The following PKN2 variants were observed in gnomAD, a reference collection of about 807,000 sequenced individuals.
PKN2 encodes the protein protein kinase N2.
In PKN2, 38 loss-of-function variants were observed where a neutral mutation model predicts 119.1. The ratio of observed to expected loss-of-function variants is 0.32; its 90% CI spans 0.25 to 0.42. PKN2 has a LOEUF of 0.42. PKN2 is among the 10% of genes least tolerant of loss of function. The pLI is 1.00. For synonymous variants in PKN2, 390 were observed against 384.9 expected (o/e 1.01, Z -0.15); for missense variants, 850 against 1,165.1 (o/e 0.73, Z 3.94).
In PKN2 at chr1:88,800,642, A is replaced by G. The variant is rs555389709; in HGVS notation, c.1282-3749A>G. On this transcript the variant is annotated intron_variant, in intron 8 of 21. Coordinates refer to ENST00000370521, the MANE Select transcript of PKN2 (RefSeq NM_006256.4). ...AAGTGAAAATACTCTCTGGCACCCC[A>G]GGGCTCCTCAGTGAACACTTCGAGA... 4.3e-4 allele frequency among the ~76,000 whole-genome samples: 65 copies of G among 152,342 alleles called. No individual in the cohort carries two copies. In the Middle Eastern group the frequency reaches 0.01, roughly 24 times the overall value.
At chr1:88,793,239 T>G (rs1670920578) in intron 8 of PKN2, among the ~76,000 whole-genome samples, 2 of 152,228 alleles carry the variant, frequency 1.3e-5, no homozygotes, top group South Asian at 4.1e-4. Context: ...TCTAACCTTT[T>G]CTAATAGATT....
At chr1:88,810,297 T>G (rs1212853550) in intron 15 of PKN2, among the ~76,000 whole-genome samples, 1 of 151,828 alleles carries the variant, frequency 6.6e-6, no homozygotes, top group East Asian at 1.9e-4. Context: ...ATTTTTTGTA[T>G]TTTTAGTAGA....
intron 1 of PKN2, among the ~76,000 whole-genome samples, chr1:88,698,289 G>A (rs1666620676): frequency 6.6e-6 from 1 of 151,996 alleles, no homozygotes; most frequent in Admixed American, 6.6e-5. Flanking sequence ...TTCCCCAGCA[G>A]AAGCAAGCTT....
chr1:88,759,498 G>A (rs1451131854), intron 2 of PKN2, among the ~76,000 whole-genome samples: 1 of 152,128 alleles, frequency 6.6e-6, no homozygotes, highest in Non-Finnish European at 1.5e-5. Flanking sequence ...AAAAGTATCT[G>A]TTCATGTCCT....
intron 1 of PKN2, among the ~76,000 whole-genome samples, chr1:88,724,965 C>T (rs1372787955): frequency 2.1e-5 from 3 of 145,586 alleles, no homozygotes; most frequent in Non-Finnish European, 3.0e-5. Context: ...GGCACAATCT[C>T]GGCTCACTGC....
At chr1:88,823,414 T>G (rs1455855613) in intron 17 of PKN2, among the ~76,000 whole-genome samples, 1 of 151,736 alleles carries the variant, frequency 6.6e-6, no homozygotes, top group Non-Finnish European at 1.5e-5. Flanking sequence ...AAAACTGGAT[T>G]AAGTTGGCCA....
At chr1:88,831,255 GATACTAC>G (rs1001408562) in intron 19 of PKN2, among the ~76,000 whole-genome samples, 4 of 151,558 alleles carry the variant, frequency 2.6e-5, no homozygotes, top group African/African-American at 9.7e-5. Context: ...GCAGAAAAAA[GATACTAC>G]ATATTTTAAC....
chr1:88,725,942 A>G (rs1435588769), intron 1 of PKN2, among the ~76,000 whole-genome samples: 1 of 152,082 alleles, frequency 6.6e-6, no homozygotes, highest in Non-Finnish European at 1.5e-5. Flanking sequence ...GTTTTTATCT[A>G]TGTTTTAATT....
At chr1:88,726,739 T>C (rs1557569194) in intron 1 of PKN2, among the ~76,000 whole-genome samples, 2 of 145,838 alleles carry the variant, frequency 1.4e-5, no homozygotes. Flanking sequence ...AGATTATGTA[T>C]TTCATATTGG....
At chr1:88,783,226 C>T (rs1175027050) in intron 6 of PKN2, among the ~76,000 whole-genome samples, 1 of 152,208 alleles carries the variant, frequency 6.6e-6, no homozygotes, top group Non-Finnish European at 1.5e-5. Flanking sequence ...CTTGAAAACC[C>T]TCTGACCATC....
chr1:88,727,515 A>AT (rs1296412361), intron 1 of PKN2, among the ~76,000 whole-genome samples: 1 of 152,164 alleles, frequency 6.6e-6, no homozygotes, highest in South Asian at 2.1e-4. Flanking sequence ...TGTGTTTTAA[A>AT]TTTTTGTGTG....
At chr1:88,806,644 T>A (rs1247836253) in intron 12 of PKN2, among the ~76,000 whole-genome samples, 2 of 152,210 alleles carry the variant, frequency 1.3e-5, no homozygotes, top group African/African-American at 4.8e-5. Context: ...TGATACTACA[T>A]GACATACTGC....
chr1:88,792,622 T>A (rs995657137), intron 8 of PKN2, among the ~76,000 whole-genome samples: 2 of 152,166 alleles, frequency 1.3e-5, no homozygotes, highest in African/African-American at 4.8e-5. Flanking sequence ...GAAGCCTTAT[T>A]GATAACATAG....
At chr1:88,811,727 T>C (rs1671789787) in intron 15 of PKN2, among the ~76,000 whole-genome samples, 1 of 152,214 alleles carries the variant, frequency 6.6e-6, no homozygotes, top group Admixed American at 6.5e-5. Context: ...TCTGGTCAAC[T>C]TCACCTCTAG....
chr1:88,695,320 T>G (rs1666500025), intron 1 of PKN2, among the ~76,000 whole-genome samples: 1 of 152,168 alleles, frequency 6.6e-6, no homozygotes, highest in South Asian at 2.1e-4. Context: ...ATTTGATAAA[T>G]TCTTGCCAGT....
Position 88,741,007 on chromosome 1 carries a change from C to G in PKN2, c.68C>G (p.Pro23Arg). 1 of 1,568,152 alleles carries G rather than the reference C, an allele frequency of 6.4e-7. No individual in the cohort carries two copies. Among genetic ancestry groups the G allele is most frequent in the Non-Finnish European group, 8.6e-7 (1 of 1,163,408 alleles). ...CTGTAGGGGGATTCCCGAAGTCTTC[C>G]GTTTTCTGAGAATGTGAGTGCTGTT... ...TELQGDSRSLPFSENVSAVQK... is the reference protein window; with the variant it reads ...TELQGDSRSLRFSENVSAVQK... The change falls in exon 2 of 22, where the codon CCG becomes CGG. Residue 23 changes from proline to arginine, a missense_variant. By Grantham distance (103) the Pro-to-Arg change is moderately radical. Transcript: ENST00000370521.
At chr1:88,719,895 A>G (rs1387429663) in intron 1 of PKN2, among the ~76,000 whole-genome samples, 1 of 152,196 alleles carries the variant, frequency 6.6e-6, no homozygotes, top group African/African-American at 2.4e-5. Flanking sequence ...TAAGATATAT[A>G]TAAATTTAAT....
rs183350178 is a variant in PKN2, at chr1:88,694,227, A to G, written c.48+9599A>G. On this transcript the variant is annotated intron_variant, in intron 1 of 21. Transcript: ENST00000370521. ...TGACATGTATCCAGCATTATAGTAT[A>G]CAGAATAGTGTCCCTGCACTAAGCT... is the stretch of plus-strand genomic sequence containing the variant. 2.0e-5 allele frequency among the ~76,000 whole-genome samples: 3 copies of G among 152,272 alleles called. No individual in the cohort carries two copies. In the East Asian group the frequency reaches 5.8e-4, roughly 29 times the overall value.
At chr1:88,697,711 T>G (rs1168442228) in intron 1 of PKN2, among the ~76,000 whole-genome samples, 1 of 152,196 alleles carries the variant, frequency 6.6e-6, no homozygotes, top group Admixed American at 6.5e-5. Flanking sequence ...ATGCTTTTCA[T>G]TCTTAAGTCT....
Sources: allele counts gnomAD v4.1 joint callset (sites outside exome capture counted in the v4.1 genomes callset), GRCh38; gene constraint gnomAD v4.1.1; transcripts MANE v1.5; gene names NCBI Gene and HGNC (gene_info 2026-07-23, HGNC 2026-07-21).